Variants in KIAA1549L observed in about 807,000 individuals in gnomAD.
KIAA1549L encodes UPF0606 protein KIAA1549L.
Under a neutral mutation model 160.7 loss-of-function variants are expected in KIAA1549L, and 88 were observed. That is an observed-to-expected ratio of 0.55 (90% CI 0.46 to 0.65). The LOEUF (loss-of-function observed/expected upper bound fraction) is 0.65, where lower values mean the gene tolerates loss of function less well. Ranked by LOEUF, KIAA1549L falls within the 30% of genes least tolerant of loss-of-function variation. The pLI, the probability that KIAA1549L is intolerant of heterozygous loss-of-function variation, is 0.00. For missense variants in KIAA1549L, 2,258 were observed against 2,437.5 expected, an observed-to-expected ratio of 0.93 and a Z score of 1.55; for synonymous variants, 950 against 976.7, an observed-to-expected ratio of 0.97 and a Z score of 0.51.
At chr11:33,645,097 C>T (rs963258251) in intron 16 of KIAA1549L, among the ~76,000 whole-genome samples, 5 of 152,210 alleles carry the variant, frequency 3.3e-5, no homozygotes, top group East Asian at 1.9e-4. Flanking sequence ...GAACAGGCAT[C>T]GGAATCTCCT....
chr11:33,496,338 C>T (rs1056583300), intron 1 of KIAA1549L, among the ~76,000 whole-genome samples: 3 of 152,166 alleles, frequency 2.0e-5, no homozygotes, highest in Non-Finnish European at 2.9e-5. Context: ...CTGATAATAT[C>T]TATGAAGGTA....
intron 1 of KIAA1549L, among the ~76,000 whole-genome samples, chr11:33,385,970 A>G (rs1565114952): frequency 6.6e-6 from 1 of 152,202 alleles, no homozygotes; most frequent in African/African-American, 2.4e-5. Context: ...TTTTAGTTCT[A>G]GTAGCTTTTT....
chr11:33,442,837 A>G (rs1276162857), intron 1 of KIAA1549L, among the ~76,000 whole-genome samples: 1 of 151,998 alleles, frequency 6.6e-6, no homozygotes, highest in Non-Finnish European at 1.5e-5. Flanking sequence ...CACTGACTCC[A>G]TATCACTTCT....
At chr11:33,577,100 G>A (rs1439983383) in intron 10 of KIAA1549L, among the ~76,000 whole-genome samples, 4 of 152,170 alleles carry the variant, frequency 2.6e-5, no homozygotes, top group African/African-American at 9.7e-5. Flanking sequence ...GGAGAGTGTG[G>A]GGTTCAGAAT....
At chr11:33,579,013 A>G (rs994760243) in intron 10 of KIAA1549L, among the ~76,000 whole-genome samples, 1 of 152,200 alleles carries the variant, frequency 6.6e-6, no homozygotes, top group Admixed American at 6.5e-5. Flanking sequence ...GTGCCGAGAG[A>G]GGCATGTGGT....
chr11:33,429,040 C>T (rs527667528), intron 1 of KIAA1549L, among the ~76,000 whole-genome samples: 13 of 152,268 alleles, frequency 8.5e-5, no homozygotes, highest in African/African-American at 2.4e-4. Context: ...GGTGCAATCT[C>T]GACTCAGTGC....
intron 6 of KIAA1549L, among the ~76,000 whole-genome samples, chr11:33,553,743 C>T (rs181276517): frequency 1.4e-4 from 21 of 152,288 alleles, no homozygotes; most frequent in Middle Eastern, 6.8e-3. Flanking sequence ...CTTGGCAGCA[C>T]AGCATACTTT....
chr11:33,630,715 A>G (rs1461401002), intron 16 of KIAA1549L, among the ~76,000 whole-genome samples: 2 of 151,854 alleles, frequency 1.3e-5, no homozygotes, highest in Non-Finnish European at 2.9e-5. Context: ...GGTACCTCAG[A>G]TAGAAATGCA....
At chr11:33,604,347 T>C (rs1406538718) in intron 13 of KIAA1549L, among the ~76,000 whole-genome samples, 1 of 152,212 alleles carries the variant, frequency 6.6e-6, no homozygotes, top group Non-Finnish European at 1.5e-5. Context: ...GCTTATACAC[T>C]GCTGGTGAGA....
intron 20 of KIAA1549L, among the ~76,000 whole-genome samples, chr11:33,667,058 A>C (rs1423999267): frequency 6.6e-6 from 1 of 152,218 alleles, no homozygotes; most frequent in Non-Finnish European, 1.5e-5. Flanking sequence ...AGTGCTGGGC[A>C]TGGTGGTACC....
intron 15 of KIAA1549L, among the ~76,000 whole-genome samples, chr11:33,613,966 C>T (rs1850713557): frequency 6.6e-6 from 1 of 152,124 alleles, no homozygotes; most frequent in African/African-American, 2.4e-5. Context: ...CTCAGCTCTC[C>T]CTGAGCCTGT....
At chr11:33,614,133 AG>A (rs1353690686) in intron 15 of KIAA1549L, among the ~76,000 whole-genome samples, 1 of 152,180 alleles carries the variant, frequency 6.6e-6, no homozygotes, top group African/African-American at 2.4e-5. Flanking sequence ...ACCCCTGGCA[AG>A]GGAACTGGAA....
At chr11:33,544,484 C>T (rs1854165175) in intron 2 of KIAA1549L, 148 bp downstream of exon 2, 3 of 856,014 alleles carry the variant, frequency 3.5e-6, no homozygotes, top group Admixed American at 5.4e-5. Context: ...AGTTAGTAGC[C>T]CCAAGTAGTC....
At chr11:33,654,053 A>G (rs192794256) in intron 17 of KIAA1549L, among the ~76,000 whole-genome samples, 182 of 151,996 alleles carry the variant, frequency 1.2e-3, no homozygotes, top group African/African-American at 4.2e-3. Context: ...GCCCACTGCA[A>G]CCCCCAACTT....
Position 33,439,330 on chromosome 11 carries a change from A to G in KIAA1549L, c.238+62441A>G, listed in dbSNP as rs72911130. Reference sequence around the variant, plus strand: ...ACATGAGATATTTTGTTACATGCATAGGATATATACTGATCAGATCAAGGT... The same window carrying G: ...ACATGAGATATTTTGTTACATGCATGGGATATATACTGATCAGATCAAGGT... On this transcript the variant is annotated intron_variant, in intron 1 of 20. Coordinates refer to ENST00000658780, the MANE Select transcript of KIAA1549L (RefSeq NM_012194.3). Among the ~76,000 whole-genome samples the G allele has an allele frequency of 7.7e-3, 1,176 of 152,308 alleles. 11 individuals are homozygous for G. The highest frequency in any genetic ancestry group is 0.01 in the Non-Finnish European group (714 of 68,014).
chr11:33,595,637 GTC>G (rs1405580949), intron 12 of KIAA1549L, among the ~76,000 whole-genome samples: 1 of 152,202 alleles, frequency 6.6e-6, no homozygotes, highest in Non-Finnish European at 1.5e-5. Flanking sequence ...GACCATGGGA[GTC>G]TCTGATCATT....
At chr11:33,391,302 T>G (rs1240914416) in intron 1 of KIAA1549L, among the ~76,000 whole-genome samples, 1 of 152,150 alleles carries the variant, frequency 6.6e-6, no homozygotes, top group Non-Finnish European at 1.5e-5. Flanking sequence ...AAGGTGAAAT[T>G]TTTCTTTGCT....
intron 11 of KIAA1549L, among the ~76,000 whole-genome samples, chr11:33,588,852 A>C (rs1565200178): frequency 6.6e-6 from 1 of 152,158 alleles, no homozygotes; most frequent in Non-Finnish European, 1.5e-5. Context: ...TACTTCCCAG[A>C]GTGAGTTTCT....
At chr11:33,623,605 G>A (rs1171595070) in intron 16 of KIAA1549L, among the ~76,000 whole-genome samples, 1 of 152,196 alleles carries the variant, frequency 6.6e-6, no homozygotes, top group Non-Finnish European at 1.5e-5. Flanking sequence ...GAGGGTGAAG[G>A]AGGTCTTTAG....
Sources: allele counts gnomAD v4.1 joint callset (sites outside exome capture counted in the v4.1 genomes callset), GRCh38; gene constraint gnomAD v4.1.1; transcripts MANE v1.5; gene names NCBI Gene and HGNC (gene_info 2026-07-23, HGNC 2026-07-21).